The following CCSAP variants were observed in gnomAD, a reference collection of about 807,000 sequenced individuals.
The protein encoded by CCSAP is centriole, cilia and spindle-associated protein.
In CCSAP, 17 loss-of-function variants were observed where a neutral mutation model predicts 25.9. The ratio of observed to expected loss-of-function variants is 0.66; its 90% CI spans 0.45 to 0.99. The LOEUF (loss-of-function observed/expected upper bound fraction) is 0.99, where lower values mean the gene tolerates loss of function less well. CCSAP is among the 50% of genes least tolerant of loss of function. The pLI is 0.00. For synonymous variants in CCSAP, 169 were observed against 157.1 expected, an observed-to-expected ratio of 1.08 and a Z score of -0.57; for missense variants, 339 against 367.8, an observed-to-expected ratio of 0.92 and a Z score of 0.64.
intron 2 of CCSAP, chr1:229,340,578 A>G (rs902987358): frequency 8.3e-6 from 5 of 602,064 alleles, no homozygotes; most frequent in Non-Finnish European, 1.5e-5. Context: ...CACAGGAATA[A>G]TCTGGAAGGC....
At chr1:229,332,750 T>G (rs1163497806) in intron 2 of CCSAP, among the ~76,000 whole-genome samples, 1 of 152,214 alleles carries the variant, frequency 6.6e-6, no homozygotes, top group Non-Finnish European at 1.5e-5. Flanking sequence ...AATTAAAGAT[T>G]CAGTTCCTCA....
intron 2 of CCSAP, among the ~76,000 whole-genome samples, chr1:229,328,534 TG>T (rs200312163): frequency 0.016 from 2,501 of 152,322 alleles, 88 homozygotes; most frequent in South Asian, 0.078. Context: ...CTTAAACTCC[TG>T]GCCTCAAACA....
chr1:229,337,678 A>AAAAAAAAAAAT, intron 2 of CCSAP, among the ~76,000 whole-genome samples: 7 of 65,514 alleles, frequency 1.1e-4, no homozygotes, highest in South Asian at 8.0e-4. Flanking sequence ...CTCAAAAAAA[A>AAAAAAAAAAAT]ATATATATAT....
At chr1:229,335,868 A>AT (rs1171797133) in intron 2 of CCSAP, among the ~76,000 whole-genome samples, 1 of 152,180 alleles carries the variant, frequency 6.6e-6, no homozygotes, top group African/African-American at 2.4e-5. Context: ...GGGCCTCCGT[A>AT]TCCAGGGGTT....
chr1:229,342,236 G>T lies in CCSAP; in HGVS notation c.230C>A (p.Ala77Asp). ...TACGGGCGGCGGGGGCGAGGGCGGGGCGCACCGGGGTGCGGGGCCCCCGGC... is the reference window on the plus strand; with the variant it reads ...TACGGGCGGCGGGGGCGAGGGCGGGTCGCACCGGGGTGCGGGGCCCCCGGC... ...SGAGGPAPRCAPPSPPPPVEP... is the reference protein window; with the variant it reads ...SGAGGPAPRCDPPSPPPPVEP... Residue 77 changes from alanine to aspartate, a missense_variant, in exon 2 of 4, where the codon GCC becomes GAC. Transcript: ENST00000284617. The surrounding 1 kb of genome is among the most constrained non-coding windows in gnomAD (Gnocchi z 7.5). 1 of 1,264,902 alleles carries T rather than the reference G, an allele frequency of 7.9e-7. No homozygotes were observed. Among genetic ancestry groups the T allele is most frequent in the Non-Finnish European group, 9.9e-7 (1 of 1,008,282 alleles). 78.4% of individuals were successfully genotyped at this position (1,264,902 alleles called of 1,614,324 possible).
intron 2 of CCSAP, among the ~76,000 whole-genome samples, chr1:229,337,875 TAGGC>T (rs1308667503): frequency 6.6e-6 from 1 of 151,042 alleles, no homozygotes; most frequent in Non-Finnish European, 1.5e-5. Flanking sequence ...GAAACTGTGA[TAGGC>T]AGTGATAGGT....
rs199755543 is a variant in CCSAP at position 229,325,222 on chromosome 1, C to A, written c.*13G>T. The A allele has an allele frequency of 1.3e-6, 2 of 1,581,506 alleles. No individual in the cohort carries two copies. The highest frequency in any genetic ancestry group is 1.7e-6 in the Non-Finnish European group (2 of 1,168,494). On this transcript the variant is annotated 3_prime_UTR_variant, in exon 4 of 4. Coordinates refer to ENST00000284617, the MANE Select transcript of CCSAP (RefSeq NM_145257.5). Reference sequence around the variant, plus strand: ...TACACTTTTTAAAAGAGGCTGTCCACGCAAGTGTTTCTTTAAGCTCTTGCC... The same window carrying A: ...TACACTTTTTAAAAGAGGCTGTCCAAGCAAGTGTTTCTTTAAGCTCTTGCC...
At chr1:229,327,316 CT>C (rs1657963284) in intron 2 of CCSAP, 3 of 361,966 alleles carry the variant, frequency 8.3e-6, no homozygotes, top group Non-Finnish European at 1.6e-5. Context: ...ACCCTAAGGG[CT>C]TTCTCCGCAA....
intron 2 of CCSAP, among the ~76,000 whole-genome samples, chr1:229,336,113 G>A (rs942317679): frequency 2.7e-5 from 4 of 147,776 alleles, no homozygotes; most frequent in African/African-American, 7.5e-5. Context: ...GAATATCCAC[G>A]GATTTTGGTA....
In CCSAP at chr1:229,323,871, C is replaced by T. The variant is rs1445818997; in HGVS notation, c.*1364G>A. On this transcript the variant is annotated 3_prime_UTR_variant, in exon 4 of 4. Coordinates refer to ENST00000284617, the MANE Select transcript of CCSAP (RefSeq NM_145257.5). ...TAATACTCAGCCTCACGTCCACTCACACATCTTCGGGTGCCAAGCTGGCAT... is the reference window on the plus strand; with the variant it reads ...TAATACTCAGCCTCACGTCCACTCATACATCTTCGGGTGCCAAGCTGGCAT... The T allele has an allele frequency of 8.5e-5, 13 of 152,228 alleles. No individual in the cohort carries two copies. Among genetic ancestry groups the T allele is most frequent in the Admixed American group, 8.5e-4 (13 of 15,284 alleles). The allele number at this position is 152,228 out of a possible 1,614,324, so 9.4% of individuals were successfully genotyped here.
intron 2 of CCSAP, among the ~76,000 whole-genome samples, chr1:229,336,795 CTTTTT>C (rs1442382348): frequency 6.6e-6 from 1 of 151,834 alleles, no homozygotes; most frequent in East Asian, 1.9e-4. Flanking sequence ...CTTTTCTTTT[CTTTTT>C]TTCTTTGTAG....
intron 2 of CCSAP, among the ~76,000 whole-genome samples, chr1:229,329,816 C>A (rs1408356961): frequency 6.6e-6 from 1 of 152,098 alleles, no homozygotes; most frequent in African/African-American, 2.4e-5. Flanking sequence ...TATGGTAAAG[C>A]CCTGTCTCTA....
At chr1:229,341,990 A>T in intron 2 of CCSAP, 109 bp downstream of exon 2, 3 of 1,195,888 alleles carry the variant, frequency 2.5e-6, no homozygotes, top group Non-Finnish European at 3.1e-6. Flanking sequence ...AAAAAAAAAA[A>T]GGAAGAGCCA....
intron 2 of CCSAP, among the ~76,000 whole-genome samples, chr1:229,329,883 T>G (rs1658029602): frequency 6.6e-6 from 1 of 152,094 alleles, no homozygotes; most frequent in African/African-American, 2.4e-5. Flanking sequence ...CTCACCTATT[T>G]GGTAGGCTGA....
chr1:229,329,035 G>A (rs374877397), intron 2 of CCSAP, among the ~76,000 whole-genome samples: 4 of 152,210 alleles, frequency 2.6e-5, no homozygotes, highest in East Asian at 1.9e-4. Flanking sequence ...GTGTCCACAC[G>A]CTTTCTCCTC....
intron 2 of CCSAP, among the ~76,000 whole-genome samples, chr1:229,331,352 G>A (rs978999743): frequency 2.0e-5 from 3 of 152,018 alleles, no homozygotes; most frequent in Non-Finnish European, 4.4e-5. Flanking sequence ...AACAGGAGGA[G>A]AGAAAAGATG....
rs1658040453 is a variant in CCSAP, at chr1:229,330,451, C to T, written c.368-3445G>A. ...CCCGGGGACACCGTCATTTAATGCACAGGCAAAGAAAGGAGAACCCGAGAT... is the reference window on the plus strand; with the variant it reads ...CCCGGGGACACCGTCATTTAATGCATAGGCAAAGAAAGGAGAACCCGAGAT... On this transcript the variant is annotated intron_variant, in intron 2 of 3. Transcript: ENST00000284617. Among the ~76,000 whole-genome samples, 3 of 152,132 alleles carry T rather than the reference C, an allele frequency of 2.0e-5. No homozygotes were observed. The South Asian group carries it at 6.2e-4, about 32-fold the overall frequency.
chr1:229,336,707 G>A (rs1027104199), intron 2 of CCSAP, among the ~76,000 whole-genome samples: 4 of 152,162 alleles, frequency 2.6e-5, no homozygotes, highest in Non-Finnish European at 5.9e-5. Context: ...CTATTAGTAA[G>A]GAAGAGACCA....
At position 229,321,287 on chromosome 1, in the gene CCSAP, C is replaced by T. The variant is rs970672542; in HGVS notation, c.*3948G>A. 2.0e-5 allele frequency: 3 copies of T among 152,142 alleles called. No individual in the cohort carries two copies. Among genetic ancestry groups the T allele is most frequent in the African/African-American group, 7.2e-5 (3 of 41,514 alleles). 9.4% of individuals were successfully genotyped at this position (152,142 alleles called of 1,614,324 possible). A position where few individuals can be genotyped will look rare whatever the true frequency, so the allele number is the denominator to read the frequency against. ...GCCTCTACTGCCTTCATTCAAGTGTCGAGAATTTCAAAATGGAAATAATAT... is the reference window on the plus strand; with the variant it reads ...GCCTCTACTGCCTTCATTCAAGTGTTGAGAATTTCAAAATGGAAATAATAT... On this transcript the variant is annotated 3_prime_UTR_variant, in exon 4 of 4. Transcript: ENST00000284617.
Sources: allele counts gnomAD v4.1 joint callset (sites outside exome capture counted in the v4.1 genomes callset), GRCh38; gene constraint gnomAD v4.1.1; non-coding constraint Gnocchi (gnomAD v3.1); transcripts MANE v1.5; gene names NCBI Gene and HGNC (gene_info 2026-07-23, HGNC 2026-07-21).